Variants in GPC6 observed in about 807,000 individuals in gnomAD.
The protein encoded by GPC6 is glypican 6.
A neutral mutation model predicts 55.2 loss-of-function variants in GPC6; 14 were observed. The observed-to-expected ratio is 0.25, with a 90% CI of 0.17 to 0.40. The LOEUF (loss-of-function observed/expected upper bound fraction) is 0.40, where lower values mean the gene tolerates loss of function less well. GPC6 is among the 10% of genes least tolerant of loss of function. The pLI is 1.00. For missense variants in GPC6, 641 were observed against 708.5 expected (o/e 0.90, Z 1.08); for synonymous variants, 278 against 259.6 (o/e 1.07, Z -0.68).
Position 94,133,288 on chromosome 13 carries a change from A to AC in GPC6, c.877+105394_877+105395insC, listed in dbSNP as rs1555299322. Among the ~76,000 whole-genome samples, 131 of 127,434 alleles carry AC rather than the reference A, an allele frequency of 1.0e-3. 2 individuals are homozygous for AC. Among genetic ancestry groups the AC allele is most frequent in the East Asian group, 5.9e-3 (25 of 4,228 alleles). The allele number at this position is 127,434 out of a possible 152,430, so 83.6% of individuals were successfully genotyped here. A position where few individuals can be genotyped will look rare whatever the true frequency, so the allele number is the denominator to read the frequency against. On this transcript the variant is annotated intron_variant, in intron 4 of 8. Transcript: ENST00000377047. ...GTGACAAAAAAAAAAAAAAAAAAAA[A>AC]AAAACCTTAAGTGCTTTTAAAACAC...
intron 1 of GPC6, among the ~76,000 whole-genome samples, chr13:93,402,534 TG>T (rs1170400979): frequency 3.9e-5 from 6 of 152,194 alleles, no homozygotes; most frequent in African/African-American, 1.2e-4. Flanking sequence ...TATTCAGTTT[TG>T]GAAACAGCTG....
intron 2 of GPC6, among the ~76,000 whole-genome samples, chr13:93,775,804 G>T (rs1361648847): frequency 6.8e-6 from 1 of 147,086 alleles, no homozygotes; most frequent in African/African-American, 2.7e-5. Context: ...GTTGGCGAAT[G>T]TCGTCTAAAC....
At chr13:93,941,579 T>C (rs1878740061) in intron 3 of GPC6, among the ~76,000 whole-genome samples, 1 of 152,224 alleles carries the variant, frequency 6.6e-6, no homozygotes, top group African/African-American at 2.4e-5. Flanking sequence ...AAAGCTTGTA[T>C]AAAACATGAA....
chr13:93,441,156 T>C (rs1877783149), intron 1 of GPC6, among the ~76,000 whole-genome samples: 1 of 152,190 alleles, frequency 6.6e-6, no homozygotes, highest in Non-Finnish European at 1.5e-5. Flanking sequence ...AACAAACATA[T>C]GTGTGCATGT....
chr13:93,560,470 T>G (rs1369736980), intron 2 of GPC6, among the ~76,000 whole-genome samples: 1 of 151,982 alleles, frequency 6.6e-6, no homozygotes, highest in Non-Finnish European at 1.5e-5. Flanking sequence ...CAGTGACCCA[T>G]GATCACACCA....
chr13:93,674,655 A>G (rs76335717), intron 2 of GPC6, among the ~76,000 whole-genome samples: 9 of 152,280 alleles, frequency 5.9e-5, no homozygotes, highest in East Asian at 1.9e-4. Flanking sequence ...TGATTATTCT[A>G]TTATCGACAG....
intron 1 of GPC6, among the ~76,000 whole-genome samples, chr13:93,412,622 A>G (rs1024315206): frequency 1.3e-5 from 2 of 152,136 alleles, no homozygotes; most frequent in Admixed American, 1.3e-4. Flanking sequence ...GCACTACGTC[A>G]CTCCAACCTG....
chr13:93,661,223 T>C (rs192217430), intron 2 of GPC6, among the ~76,000 whole-genome samples: 1 of 151,814 alleles, frequency 6.6e-6, no homozygotes, highest in Non-Finnish European at 1.5e-5. Flanking sequence ...TTATTAGGAG[T>C]ATTATTTTTT....
At chr13:94,090,437 C>A (rs1178732953) in intron 4 of GPC6, among the ~76,000 whole-genome samples, 1 of 152,044 alleles carries the variant, frequency 6.6e-6, no homozygotes, top group Non-Finnish European at 1.5e-5. Flanking sequence ...ATAGACAAGT[C>A]ATCTTAAACA....
At chr13:93,682,169 C>T (rs536905652) in intron 2 of GPC6, among the ~76,000 whole-genome samples, 3 of 152,106 alleles carry the variant, frequency 2.0e-5, no homozygotes, top group South Asian at 4.1e-4. Context: ...AGAAGAGTTT[C>T]CCAGGAAGCA....
At chr13:93,732,615 A>G (rs147884024) in intron 2 of GPC6, among the ~76,000 whole-genome samples, 1 of 152,270 alleles carries the variant, frequency 6.6e-6, no homozygotes, top group East Asian at 1.9e-4. Context: ...GAAAACTATA[A>G]CTTATTAAAG....
At chr13:93,753,579 G>A (rs529943968) in intron 2 of GPC6, among the ~76,000 whole-genome samples, 5 of 152,240 alleles carry the variant, frequency 3.3e-5, no homozygotes, top group Admixed American at 2.0e-4. Flanking sequence ...TATCTTTGGT[G>A]TTAGAAACAA....
At chr13:93,531,911 T>G (rs1467025793) in intron 1 of GPC6, among the ~76,000 whole-genome samples, 1 of 152,136 alleles carries the variant, frequency 6.6e-6, no homozygotes, top group African/African-American at 2.4e-5. Flanking sequence ...CACCTGCTGC[T>G]AGGGAAATGG....
chr13:93,844,128 C>A (rs561480712), intron 3 of GPC6, among the ~76,000 whole-genome samples: 1 of 152,046 alleles, frequency 6.6e-6, no homozygotes, highest in South Asian at 2.1e-4. Flanking sequence ...TATTGGCCAT[C>A]ATTTGGTGTA....
At chr13:93,607,328 T>C (rs928467305) in intron 2 of GPC6, among the ~76,000 whole-genome samples, 6 of 152,224 alleles carry the variant, frequency 3.9e-5, no homozygotes, top group Admixed American at 2.0e-4. Context: ...ATTATTCATA[T>C]GCCAGCTGCT....
chr13:93,657,777 A>T (rs2139607844), intron 2 of GPC6, among the ~76,000 whole-genome samples: 1 of 152,038 alleles, frequency 6.6e-6, no homozygotes, highest in East Asian at 1.9e-4. Flanking sequence ...CAACCCCATT[A>T]AAAAAATGGG....
chr13:93,681,850 C>T, intron 2 of GPC6, among the ~76,000 whole-genome samples: 1 of 152,204 alleles, frequency 6.6e-6, no homozygotes, highest in East Asian at 1.9e-4. Flanking sequence ...ATTTTATTGT[C>T]TTTATCTATT....
chr13:93,270,176 G>C (rs2139051955), intron 1 of GPC6, among the ~76,000 whole-genome samples: 1 of 150,952 alleles, frequency 6.6e-6, no homozygotes. Context: ...CTTGAGGCCA[G>C]CAGTTCAGGG....
chr13:94,210,528 T>C (rs1323624921), intron 4 of GPC6, among the ~76,000 whole-genome samples: 2 of 152,176 alleles, frequency 1.3e-5, no homozygotes, highest in Non-Finnish European at 2.9e-5. Flanking sequence ...TAGAATTAGA[T>C]AATTTAAGGT....
Sources: gnomAD v4.1 joint callset for allele counts (sites outside exome capture counted in the v4.1 genomes callset) on GRCh38, gnomAD v4.1.1 for gene constraint, MANE v1.5 for transcripts, NCBI Gene and HGNC (gene_info 2026-07-23, HGNC 2026-07-21) for gene names.